Variants in NKAIN3 observed in about 807,000 individuals in gnomAD.
NKAIN3 encodes sodium/potassium transporting ATPase interacting 3, also known as sodium/potassium-transporting ATPase subunit beta-1-interacting protein 3.
A neutral mutation model predicts 30.2 loss-of-function variants in NKAIN3; 25 were observed. The observed-to-expected ratio is 0.83, with a 90% CI of 0.60 to 1.16. NKAIN3 has a LOEUF of 1.16. Ranked by LOEUF, NKAIN3 falls within the 50% of genes most tolerant of loss-of-function variation. The probability of loss-of-function intolerance (pLI) is 0.00; values close to 1 mark genes in which losing one functional copy is unlikely to be tolerated. For synonymous variants in NKAIN3, 91 were observed against 89.6 expected (o/e 1.02, Z -0.09); for missense variants, 225 against 254.1 (o/e 0.89, Z 0.78).
At chr8:62,792,913 GTAGGTGGGTACT>G (rs1423929503) in intron 4 of NKAIN3, among the ~76,000 whole-genome samples, 1 of 152,100 alleles carries the variant, frequency 6.6e-6, no homozygotes, top group Non-Finnish European at 1.5e-5. Context: ...GAACAAAAAG[GTAGGTGGGTACT>G]AAACCCATGA....
chr8:62,955,123 T>A lies in NKAIN3; in HGVS notation c.603+1151T>A, dbSNP rs980260268. ...GAAGATCTGAGAAGGCTACACTGAT[T>A]CCTCTACCTCCCCAGGTTGAATTAA... On this transcript the variant is annotated intron_variant, in intron 6 of 6. Transcript: ENST00000623646. Among the ~76,000 whole-genome samples, 14 of 152,216 alleles carry A rather than the reference T, an allele frequency of 9.2e-5. No individual in the cohort carries two copies. In the South Asian group the frequency reaches 2.9e-3, roughly 32 times the overall value.
intron 1 of NKAIN3, among the ~76,000 whole-genome samples, chr8:62,458,503 C>T (rs1805890749): frequency 6.6e-6 from 1 of 152,140 alleles, no homozygotes. Flanking sequence ...TAATTTAGTA[C>T]CAGACCTTGA....
intron 5 of NKAIN3, among the ~76,000 whole-genome samples, chr8:62,935,802 AAC>A (rs1470340110): frequency 6.6e-6 from 1 of 152,176 alleles, no homozygotes; most frequent in Non-Finnish European, 1.5e-5. Context: ...CATGTAAAAG[AAC>A]ACACTCAATA....
At chr8:62,363,609 C>T (rs891050981) in intron 1 of NKAIN3, among the ~76,000 whole-genome samples, 14 of 151,546 alleles carry the variant, frequency 9.2e-5, no homozygotes, top group African/African-American at 1.9e-4. Flanking sequence ...TTATTGGGGT[C>T]GATAAAATAT....
chr8:62,462,177 C>T (rs902145247), intron 1 of NKAIN3, among the ~76,000 whole-genome samples: 3 of 152,066 alleles, frequency 2.0e-5, no homozygotes, highest in African/African-American at 7.2e-5. Flanking sequence ...GATGGGATGG[C>T]AGTTTTGGTG....
At chr8:62,521,663 A>T (rs1298993558) in intron 1 of NKAIN3, among the ~76,000 whole-genome samples, 1 of 152,160 alleles carries the variant, frequency 6.6e-6, no homozygotes, top group Non-Finnish European at 1.5e-5. Context: ...CAAAAAGAGC[A>T]TCTTGGATCT....
At chr8:62,443,465 C>T (rs942076147) in intron 1 of NKAIN3, among the ~76,000 whole-genome samples, 16 of 152,198 alleles carry the variant, frequency 1.1e-4, no homozygotes, top group African/African-American at 3.9e-4. Flanking sequence ...CTCACTGCAA[C>T]GTCCACCTTC....
chr8:62,686,421 G>T (rs1395527592), intron 3 of NKAIN3, among the ~76,000 whole-genome samples: 1 of 151,970 alleles, frequency 6.6e-6, no homozygotes, highest in Non-Finnish European at 1.5e-5. Flanking sequence ...AAAGGACTCT[G>T]CCCAGTGTGA....
intron 1 of NKAIN3, among the ~76,000 whole-genome samples, chr8:62,400,335 C>T (rs1817898516): frequency 6.6e-6 from 1 of 151,840 alleles, no homozygotes; most frequent in East Asian, 1.9e-4. Context: ...CCATGCCCAG[C>T]TAATTTTTGT....
At chr8:62,613,034 TAGAATA>T (rs1811341464) in intron 3 of NKAIN3, among the ~76,000 whole-genome samples, 1 of 139,048 alleles carries the variant, frequency 7.2e-6, no homozygotes, top group South Asian at 2.2e-4. Context: ...TCTTTCTACT[TAGAATA>T]AGAGTAGTTT....
At chr8:62,345,577 A>G (rs929157117) in intron 1 of NKAIN3, among the ~76,000 whole-genome samples, 3 of 147,458 alleles carry the variant, frequency 2.0e-5, no homozygotes, top group Non-Finnish European at 4.5e-5. Flanking sequence ...ATATACACAT[A>G]TATGTATATA....
At chr8:62,779,855 T>C (rs1326166913) in intron 4 of NKAIN3, among the ~76,000 whole-genome samples, 1 of 151,702 alleles carries the variant, frequency 6.6e-6, no homozygotes, top group East Asian at 1.9e-4. Flanking sequence ...AAGAAAATCT[T>C]AGAAAAAATT....
Position 62,394,988 on chromosome 8 carries a change from G to T in NKAIN3, c.54+145861G>T, listed in dbSNP as rs562573092. ...TCCTCACTTCCCAGACGGGTCGGCG[G>T]CCGGACAGAGGCGCTCATCACTTCT... On this transcript the variant is annotated intron_variant, in intron 1 of 6. Transcript: ENST00000623646. Among the ~76,000 whole-genome samples the T allele has an allele frequency of 7.4e-5, 11 of 148,230 alleles. No homozygotes were observed. The South Asian group carries it at 2.4e-3, about 32-fold the overall frequency.
intron 1 of NKAIN3, among the ~76,000 whole-genome samples, chr8:62,392,515 G>T (rs968928658): frequency 6.6e-6 from 1 of 151,946 alleles, no homozygotes; most frequent in African/African-American, 2.4e-5. Flanking sequence ...TATTTTGGCT[G>T]TATTAACTTC....
chr8:62,766,762 G>A (rs1344587557), intron 4 of NKAIN3, among the ~76,000 whole-genome samples: 1 of 152,088 alleles, frequency 6.6e-6, no homozygotes, highest in Non-Finnish European at 1.5e-5. Flanking sequence ...CTCACTGAGG[G>A]GCAAAGAAGC....
Position 62,618,311 on chromosome 8 carries a change from G to C in NKAIN3, c.273+28517G>C, listed in dbSNP as rs906003311. ...TGGAACACCAGAACCCACATCCATG[G>C]ATGTTTTCCGGGATGTGATTCAGGT... On this transcript the variant is annotated intron_variant, in intron 3 of 6. Coordinates refer to ENST00000623646, the MANE Select transcript of NKAIN3 (RefSeq NM_001304533.3). Among the ~76,000 whole-genome samples, 4 of 152,262 alleles carry C rather than the reference G, an allele frequency of 2.6e-5. No homozygotes were observed. The South Asian group carries it at 8.3e-4, about 32-fold the overall frequency.
chr8:62,428,436 C>T (rs1237468867), intron 1 of NKAIN3, among the ~76,000 whole-genome samples: 3 of 151,876 alleles, frequency 2.0e-5, no homozygotes, highest in African/African-American at 2.4e-5. Flanking sequence ...TTCACAGTGA[C>T]TGACTGCAGT....
intron 1 of NKAIN3, among the ~76,000 whole-genome samples, chr8:62,273,662 T>C (rs1812841057): frequency 6.6e-6 from 1 of 152,178 alleles, no homozygotes; most frequent in Non-Finnish European, 1.5e-5. Context: ...AATCTAATGT[T>C]GGTCAAATAT....
chr8:62,480,419 T>C (rs7016185), intron 1 of NKAIN3, among the ~76,000 whole-genome samples: 1 of 151,558 alleles, frequency 6.6e-6, no homozygotes, highest in Non-Finnish European at 1.5e-5. Flanking sequence ...TTAATAAAGC[T>C]GGGGGGAAAA....
Sources: gnomAD v4.1 joint callset for allele counts (sites outside exome capture counted in the v4.1 genomes callset) on GRCh38, gnomAD v4.1.1 for gene constraint, MANE v1.5 for transcripts, NCBI Gene and HGNC (gene_info 2026-07-23, HGNC 2026-07-21) for gene names.